The following PLCG2 variants were observed in gnomAD, a reference collection of about 807,000 sequenced individuals.
The protein encoded by PLCG2 is 1-phosphatidylinositol 4,5-bisphosphate phosphodiesterase gamma-2.
In PLCG2, 69 loss-of-function variants were observed where a neutral mutation model predicts 175.6. The observed-to-expected ratio is 0.39, with a 90% CI of 0.32 to 0.48. The LOEUF (loss-of-function observed/expected upper bound fraction) is 0.48, where lower values mean the gene tolerates loss of function less well. Ranked by LOEUF, PLCG2 falls within the 20% of genes least tolerant of loss-of-function variation. The pLI, the probability that PLCG2 is intolerant of heterozygous loss-of-function variation, is 0.91. For synonymous variants in PLCG2, 827 were observed against 624.0 expected (o/e 1.33, Z -4.85); for missense variants, 1,798 against 1,650.9 (o/e 1.09, Z -1.54).
chr16:81,907,774 G>C lies in PLCG2; in HGVS notation c.1557G>C (p.Gln519His). ...AGACTATGGAGGAGGAAGTGCCCCA[G>C]GTAGGGGGACACCCTAGCCACATAG... The part of the protein sequence containing the change: ...IEQTMEEEVP[Q>H]DIPPTELHFG... The change falls in exon 16 of 33, where the codon CAG becomes CAC. Residue 519 changes from glutamine (Q) to histidine (H), a missense_variant and splice_region_variant. Coordinates refer to ENST00000564138, the MANE Select transcript of PLCG2 (RefSeq NM_002661.5). 1 of 1,611,498 alleles carries C rather than the reference G, an allele frequency of 6.2e-7. No homozygotes were observed. Among genetic ancestry groups the C allele is most frequent in the Non-Finnish European group, 8.5e-7 (1 of 1,178,050 alleles).
intron 14 of PLCG2, among the ~76,000 whole-genome samples, chr16:81,903,371 A>G (rs4563037): frequency 1 from 152,277 of 152,342 alleles, 76,106 homozygotes; most frequent in Middle Eastern, 1. Context: ...TTGGCCAAGC[A>G]CAACCAGAGG....
chr16:81,878,050 C>T (rs1212551317), intron 7 of PLCG2, among the ~76,000 whole-genome samples: 3 of 132,392 alleles, frequency 2.3e-5, no homozygotes, highest in Admixed American at 9.3e-5. Flanking sequence ...GGCGCCATCT[C>T]GGCTCACTGC....
intron 21 of PLCG2, 62 bp downstream of exon 21, chr16:81,921,331 C>A: frequency 1.1e-5 from 12 of 1,072,192 alleles, no homozygotes; most frequent in Non-Finnish European, 1.8e-5. Flanking sequence ...TGGATTCCAT[C>A]TTGTTCCCAT....
chr16:81,884,027 C>A (rs931757622), intron 9 of PLCG2, among the ~76,000 whole-genome samples: 2 of 152,200 alleles, frequency 1.3e-5, no homozygotes, highest in Admixed American at 1.3e-4. Flanking sequence ...TCCTACATTG[C>A]ACAGGGCAGC....
chr16:81,891,124 C>G (rs1908610668), intron 10 of PLCG2, among the ~76,000 whole-genome samples: 1 of 152,126 alleles, frequency 6.6e-6, no homozygotes, highest in Admixed American at 6.6e-5. Context: ...AATTGTGCCA[C>G]TGCACTCCAG....
intron 9 of PLCG2, among the ~76,000 whole-genome samples, chr16:81,888,585 A>T (rs941521791): frequency 6.6e-6 from 1 of 152,174 alleles, no homozygotes; most frequent in African/African-American, 2.4e-5. Flanking sequence ...ATTTCATACA[A>T]TGCTTCACAG....
chr16:81,787,994 C>G (rs1365302958), intron 2 of PLCG2, among the ~76,000 whole-genome samples: 1 of 152,174 alleles, frequency 6.6e-6, no homozygotes, highest in Non-Finnish European at 1.5e-5. Context: ...TTGTTGCCAC[C>G]TTTTGGCTAA....
At chr16:81,859,999 CTCTG>C (rs1906887519) in intron 5 of PLCG2, among the ~76,000 whole-genome samples, 1 of 151,974 alleles carries the variant, frequency 6.6e-6, no homozygotes, top group Admixed American at 6.6e-5. Flanking sequence ...GAGGCAGGGT[CTCTG>C]TCTGTTGCCC....
intron 1 of PLCG2, among the ~76,000 whole-genome samples, chr16:81,750,769 G>A (rs1367474888): frequency 7.3e-6 from 1 of 137,014 alleles, no homozygotes; most frequent in Non-Finnish European, 1.5e-5. Context: ...CCGGGTTCAT[G>A]CCATTCTCCT....
At chr16:81,906,048 T>C (rs1241456228) in intron 15 of PLCG2, among the ~76,000 whole-genome samples, 1 of 150,284 alleles carries the variant, frequency 6.7e-6, no homozygotes, top group Non-Finnish European at 1.5e-5. Flanking sequence ...TATGGGATAT[T>C]CCCATCTACC....
rs1203139761 is a variant in PLCG2, at chr16:81,870,911, A to G, written c.624A>G (p.Lys208=). 1 of 1,598,146 alleles carries G rather than the reference A, an allele frequency of 6.3e-7. No homozygotes were observed. Among genetic ancestry groups the G allele is most frequent in the Non-Finnish European group, 8.6e-7 (1 of 1,169,556 alleles). Residue 208 remains lysine (K), a synonymous_variant, in exon 7 of 33, where the codon AAA becomes AAG. Coordinates refer to ENST00000564138, the MANE Select transcript of PLCG2 (RefSeq NM_002661.5). ...SFEQFHLFYK[K]LMFEQQKSIL... is the part of the protein sequence containing the mutation. ...AACAGTTCCATCTCTTCTATAAAAAACTTATGTTTGAACAGCAAAAATCGG... is the reference window on the plus strand; with the variant it reads ...AACAGTTCCATCTCTTCTATAAAAAGCTTATGTTTGAACAGCAAAAATCGG...
chr16:81,818,675 G>A (rs1294710751), intron 2 of PLCG2, among the ~76,000 whole-genome samples: 1 of 152,020 alleles, frequency 6.6e-6, no homozygotes, highest in African/African-American at 2.4e-5. Flanking sequence ...AGCAAGCCTT[G>A]TTGGCACTGT....
Position 81,940,019 on chromosome 16 carries a change from T to G in PLCG2, c.3441T>G (p.Phe1147Leu). ...YEEDMFSDPNFLAHATYPIKA... is the reference protein window; with the variant it reads ...YEEDMFSDPNLLAHATYPIKA... The stretch of plus-strand genomic sequence containing the variant: ...AAGATATGTTCAGCGATCCCAACTT[T>G]CTTGCTCATGCCACTTACCCCATTA... Residue 1147 changes from phenylalanine to leucine, a missense_variant, in exon 30 of 33, where the codon TTT becomes TTG. Transcript: ENST00000564138. 3.1e-6 allele frequency: 5 copies of G among 1,614,090 alleles called. No homozygotes were observed. Among genetic ancestry groups the G allele is most frequent in the Non-Finnish European group, 4.2e-6 (5 of 1,179,914 alleles).
At chr16:81,827,924 C>G (rs893773197) in intron 2 of PLCG2, among the ~76,000 whole-genome samples, 6 of 151,862 alleles carry the variant, frequency 4.0e-5, no homozygotes, top group Non-Finnish European at 7.4e-5. Context: ...AACCCCGTCT[C>G]TACTAAAAAT....
intron 7 of PLCG2, among the ~76,000 whole-genome samples, chr16:81,873,191 G>T (rs1187463324): frequency 1.3e-5 from 2 of 152,170 alleles, no homozygotes; most frequent in East Asian, 3.8e-4. Flanking sequence ...AAGTAATGTT[G>T]GGGGAAGCCA....
chr16:81,946,287 G>A (rs1203402811), intron 31 of PLCG2, 24 bp downstream of exon 31: 1 of 1,570,280 alleles, frequency 6.4e-7, no homozygotes, highest in Non-Finnish European at 8.8e-7. Context: ...CACCAGTTAA[G>A]GGTTCCCTGA....
At chr16:81,875,834 A>G (rs1907754918) in intron 7 of PLCG2, among the ~76,000 whole-genome samples, 3 of 152,114 alleles carry the variant, frequency 2.0e-5, no homozygotes, top group African/African-American at 7.2e-5. Flanking sequence ...GCATTGAAGG[A>G]TTATTCTGCC....
Position 81,854,607 on chromosome 16 carries a change from C to T in PLCG2, c.337+20C>T. On this transcript the variant is annotated intron_variant, in intron 3 of 32. Transcript: ENST00000564138. The stretch of plus-strand genomic sequence containing the variant: ...TGGCAGGTAGGTGCATGTTTCTGTG[C>T]CTTTCTCCTTCCCTGTGCCTTAGTG... 6 of 1,609,022 alleles carry T rather than the reference C, an allele frequency of 3.7e-6. No individual in the cohort carries two copies. The highest frequency in any genetic ancestry group is 4.3e-6 in the Non-Finnish European group (5 of 1,175,748).
chr16:81,768,552 G>GAT (rs1910202233), intron 2 of PLCG2, among the ~76,000 whole-genome samples: 1 of 105,424 alleles, frequency 9.5e-6, no homozygotes, highest in Non-Finnish European at 1.8e-5. Context: ...GTTATCCTCA[G>GAT]TTTTTTTTTT....
Sources: gnomAD v4.1 joint callset for allele counts (sites outside exome capture counted in the v4.1 genomes callset) on GRCh38, gnomAD v4.1.1 for gene constraint, MANE v1.5 for transcripts, NCBI Gene and HGNC (gene_info 2026-07-23, HGNC 2026-07-21) for gene names.